Variants in JAKMIP3 observed in about 807,000 individuals in gnomAD.
The protein encoded by JAKMIP3 is janus kinase and microtubule-interacting protein 3.
Under a neutral mutation model 118.5 loss-of-function variants are expected in JAKMIP3, and 58 were observed. That is an observed-to-expected ratio of 0.49 (90% confidence interval 0.40 to 0.61). JAKMIP3 has a LOEUF of 0.61. Ranked by LOEUF, JAKMIP3 falls within the 20% of genes least tolerant of loss-of-function variation. The pLI is 0.00. For missense variants in JAKMIP3, 950 were observed against 1,109.0 expected (o/e 0.86, Z 2.04); for synonymous variants, 486 against 451.2 (o/e 1.08, Z -0.98).
At chr10:132,144,338 C>T (rs2136010275) in intron 11 of JAKMIP3, 1 of 152,522 alleles carries the variant, frequency 6.6e-6, no homozygotes, top group South Asian at 2.1e-4. Context: ...AGGCAGTGAG[C>T]CCTGGGCTGA....
chr10:132,174,437 G>A (rs1024102409), intron 23 of JAKMIP3, among the ~76,000 whole-genome samples: 1 of 151,748 alleles, frequency 6.6e-6, no homozygotes, highest in African/African-American at 2.4e-5. Context: ...TGGGCTCCGT[G>A]GGCTCTGTGG....
intron 16 of JAKMIP3, 92 bp from the exon 17 acceptor site, chr10:132,152,853 GTCCCCAGTCAGCC>G (rs898705732): frequency 3.6e-5 from 30 of 843,782 alleles, no homozygotes; most frequent in African/African-American, 2.7e-4. Context: ...CCACCCAGGC[GTCCCCAGTCAGCC>G]TCCCCAGTCA....
At chr10:132,127,063 C>T (rs528315096) in intron 3 of JAKMIP3, among the ~76,000 whole-genome samples, 10 of 151,812 alleles carry the variant, frequency 6.6e-5, no homozygotes, top group Non-Finnish European at 1.5e-4. Context: ...CTATTTGGGT[C>T]AGGAGTTTTG....
chr10:132,111,031 C>T (rs2046782817), intron 2 of JAKMIP3, among the ~76,000 whole-genome samples: 1 of 152,228 alleles, frequency 6.6e-6, no homozygotes, highest in Non-Finnish European at 1.5e-5. Context: ...AGGCTGAGCC[C>T]CAACTCTTGG....
At position 132,103,000 on chromosome 10, in the gene JAKMIP3, C is replaced by T. The variant is rs1282083898; in HGVS notation, c.-137-1672C>T. Among the ~76,000 whole-genome samples the T allele has an allele frequency of 1.0e-4, 13 of 124,324 alleles. No homozygotes were observed. In the East Asian group the frequency reaches 1.7e-3, roughly 17 times the overall value. 81.6% of individuals were successfully genotyped at this position (124,324 alleles called of 152,430 possible). ...TGTTCACCGGGAGAGGAGATGGGGG[C>T]GTGGGGTGGGCCTGTGTTCATCAGG... On this transcript the variant is annotated intron_variant, in intron 1 of 23. Coordinates refer to ENST00000684848, the MANE Select transcript of JAKMIP3 (RefSeq NM_001323087.2).
rs570433609 is a variant in JAKMIP3, at chr10:132,153,821, C to T, written c.2136C>T (p.Ser712=). The change falls in exon 18 of 24, where the codon AGC becomes AGT. Residue 712 remains serine, a synonymous_variant. Coordinates refer to ENST00000684848, the MANE Select transcript of JAKMIP3 (RefSeq NM_001323087.2). ...ALQRKMVDLE[S]EKELFSKQKG... is the part of the protein sequence containing the mutation. ...AGCGGAAGATGGTGGATCTGGAGAGCGAGAAGGTTGGTGGCACCTTCACCG... is the reference window on the plus strand; with the variant it reads ...AGCGGAAGATGGTGGATCTGGAGAGTGAGAAGGTTGGTGGCACCTTCACCG... 1.6e-5 allele frequency: 26 copies of T among 1,612,952 alleles called. No individual in the cohort carries two copies. The highest frequency in any genetic ancestry group is 1.6e-4 in the Middle Eastern group (1 of 6,062).
At chr10:132,064,605 G>C (rs1215276496), upstream of JAKMIP3, among the ~76,000 whole-genome samples, 1 of 152,234 alleles carries the variant, frequency 6.6e-6, no homozygotes, top group East Asian at 1.9e-4. This position sits in a 1 kb window ranked among gnomAD's most constrained non-coding sequence, Gnocchi z 4.4. Context: ...CTGTGACATA[G>C]AGGCAGCGAT....
At chr10:132,180,672 T>TGCGC (rs2061016661) in intron 23 of JAKMIP3, among the ~76,000 whole-genome samples, 4 of 31,044 alleles carry the variant, frequency 1.3e-4, no homozygotes, top group Non-Finnish European at 1.9e-4. Context: ...TGTGCGTGTG[T>TGCGC]GTGCGCGCGC....
chr10:132,159,459 G>T, intron 19 of JAKMIP3, among the ~76,000 whole-genome samples: 1 of 124,810 alleles, frequency 8.0e-6, no homozygotes, highest in East Asian at 2.8e-4. Flanking sequence ...TGCTGGGTGG[G>T]GGGGCTCTCT....
chr10:132,137,762 T>C (rs2052131670), intron 8 of JAKMIP3, among the ~76,000 whole-genome samples: 1 of 152,202 alleles, frequency 6.6e-6, no homozygotes, highest in Non-Finnish European at 1.5e-5. Context: ...ACGCCACCCC[T>C]GCAGGGTCCG....
chr10:132,135,551 TG>T (rs34007762), intron 5 of JAKMIP3, among the ~76,000 whole-genome samples: 44,241 of 152,174 alleles, frequency 0.29, 7,655 homozygotes, highest in Non-Finnish European at 0.4. Flanking sequence ...TCCAGTAGGC[TG>T]GGTGGTTTTA....
chr10:132,117,599 GTGGGCGAGGGTGCAGGGGCGGGC>G lies in JAKMIP3; in HGVS notation c.633+26_633+48del. 1.1e-6 allele frequency: 1 copy of G among 880,240 alleles called. No homozygotes were observed. The highest frequency in any genetic ancestry group is 1.5e-6 in the Non-Finnish European group (1 of 682,338). 54.5% of individuals were successfully genotyped at this position (880,240 alleles called of 1,614,324 possible). A position where few individuals can be genotyped will look rare whatever the true frequency, so the allele number is the denominator to read the frequency against. ...GGTACGTGGGCAGGCAGGGGCGGGC[GTGGGCGAGGGTGCAGGGGCGGGC>G]GTGGGCGAGGGTGCAGGGGCGGGCG... On this transcript the variant is annotated intron_variant, in intron 3 of 23. Coordinates refer to ENST00000684848, the MANE Select transcript of JAKMIP3 (RefSeq NM_001323087.2). This position sits in a 1 kb window ranked among gnomAD's most constrained non-coding sequence, Gnocchi z 8.6.
rs896805686 is a variant in JAKMIP3, at chr10:132,104,738, C to T, written c.-71C>T. 17 of 1,497,518 alleles carry T rather than the reference C, an allele frequency of 1.1e-5. No individual in the cohort carries two copies. The highest frequency in any genetic ancestry group is 1.4e-5 in the Non-Finnish European group (16 of 1,106,386). The allele number at this position is 1,497,518 out of a possible 1,614,324, so 92.8% of individuals were successfully genotyped here. A position where few individuals can be genotyped will look rare whatever the true frequency, so the allele number is the denominator to read the frequency against. On this transcript the variant is annotated 5_prime_UTR_variant, in exon 2 of 24. Coordinates refer to ENST00000684848, the MANE Select transcript of JAKMIP3 (RefSeq NM_001323087.2). The stretch of plus-strand genomic sequence containing the variant: ...CTGCTGGGAGCTTGGCGTGGACACC[C>T]CAGCCACCCCCAGCCCAGCCCAGCC...
rs1166066006 is a variant in JAKMIP3 at position 132,125,799 on chromosome 10, AATACAATT to A, written c.634-7512_634-7505del. ...CAATTATTTTTCGCTGCTATACAGAAATACAATTGATTTTTATATCGATCTTCTAACCT... is the reference window on the plus strand; with the variant it reads ...CAATTATTTTTCGCTGCTATACAGAAGATTTTTATATCGATCTTCTAACCT... On this transcript the variant is annotated intron_variant, in intron 3 of 23. Coordinates refer to ENST00000684848, the MANE Select transcript of JAKMIP3 (RefSeq NM_001323087.2). Among the ~76,000 whole-genome samples the A allele has an allele frequency of 7.2e-5, 11 of 152,254 alleles. No homozygotes were observed. The East Asian group carries it at 1.7e-3, about 24-fold the overall frequency.
chr10:132,098,196 T>C (rs1425655416), intron 1 of JAKMIP3, among the ~76,000 whole-genome samples: 1 of 151,374 alleles, frequency 6.6e-6, no homozygotes, highest in Non-Finnish European at 1.5e-5. Flanking sequence ...CCTGGTTAAT[T>C]TATTTGTTGC....
At chr10:132,101,130 C>T (rs1446809464) in intron 1 of JAKMIP3, among the ~76,000 whole-genome samples, 1 of 152,184 alleles carries the variant, frequency 6.6e-6, no homozygotes, top group Admixed American at 6.5e-5. Context: ...AGGAGCTGGG[C>T]ACTCCCAGGC....
chr10:132,135,527 C>T lies in JAKMIP3; in HGVS notation c.969+367C>T, dbSNP rs567870871. 5.3e-5 allele frequency among the ~76,000 whole-genome samples: 8 copies of T among 150,178 alleles called. No homozygotes were observed. In the South Asian group the frequency reaches 1.3e-3, roughly 24 times the overall value. The stretch of plus-strand genomic sequence containing the variant: ...ATCCCGGAGGGTGCGTGAGCTGTCA[C>T]GTGTCTGCAAGGGTCCAGTAGGCTG... On this transcript the variant is annotated intron_variant, in intron 5 of 23. Transcript: ENST00000684848.
At chr10:132,096,365 G>A (rs1273796190) in intron 1 of JAKMIP3, among the ~76,000 whole-genome samples, 1 of 152,148 alleles carries the variant, frequency 6.6e-6, no homozygotes, top group African/African-American at 2.4e-5. Flanking sequence ...TAGTAACCCA[G>A]GCAGACTGAA....
intron 1 of JAKMIP3, among the ~76,000 whole-genome samples, chr10:132,080,170 C>T (rs543889379): frequency 3.3e-5 from 5 of 152,182 alleles, no homozygotes; most frequent in Non-Finnish European, 7.4e-5. Flanking sequence ...AGTGTGAGAC[C>T]CCACTCAAAA....
Sources: gnomAD v4.1 joint callset for allele counts (sites outside exome capture counted in the v4.1 genomes callset) on GRCh38, gnomAD v4.1.1 for gene constraint, Gnocchi (gnomAD v3.1) non-coding constraint, MANE v1.5 for transcripts, NCBI Gene and HGNC (gene_info 2026-07-23, HGNC 2026-07-21) for gene names.